Variants in MATN2 observed in about 807,000 individuals in gnomAD.
The protein encoded by MATN2 is matrilin 2, also known as matrilin-2.
MATN2 carries 69 observed loss-of-function variants against 103.2 expected under a neutral mutation model. The ratio of observed to expected loss-of-function variants is 0.67; its 90% CI spans 0.55 to 0.82. MATN2 has a LOEUF of 0.82. Among genes scored for constraint, MATN2 ranks in the 40% least tolerant of loss-of-function variants. MATN2 has a pLI of 0.00. For missense variants in MATN2, 1,023 were observed against 1,211.5 expected (o/e 0.84, Z 2.31); for synonymous variants, 429 against 450.2 (o/e 0.95, Z 0.60).
chr8:98,033,130 T>C lies in MATN2; in HGVS notation c.2670T>C (p.Asn890=). ...ACAGATATCTGTTTGAAGAAGACAATCTTTTACGGTCTACACAAAAGCTTT... is the reference window on the plus strand; with the variant it reads ...ACAGATATCTGTTTGAAGAAGACAACCTTTTACGGTCTACACAAAAGCTTT... The part of the protein sequence containing the change: ...VQHRYLFEED[N]LLRSTQKLSH... Residue 890 remains asparagine (N), a synonymous_variant, in exon 17 of 19, where the codon AAT becomes AAC. Coordinates refer to ENST00000254898, the MANE Select transcript of MATN2 (RefSeq NM_002380.5). 1 of 1,610,564 alleles carries C rather than the reference T, an allele frequency of 6.2e-7. No homozygotes were observed. Among genetic ancestry groups the C allele is most frequent in the Non-Finnish European group, 8.5e-7 (1 of 1,178,320 alleles).
intron 7 of MATN2, among the ~76,000 whole-genome samples, chr8:97,997,548 A>C (rs60580631): frequency 0.093 from 14,129 of 152,226 alleles, 934 homozygotes; most frequent in Admixed American, 0.19. Context: ...TTGTTTTCTG[A>C]CAGTCCTGTC....
At chr8:97,964,390 T>G (rs926863269) in intron 5 of MATN2, among the ~76,000 whole-genome samples, 2 of 149,656 alleles carry the variant, frequency 1.3e-5, no homozygotes, top group African/African-American at 2.5e-5. Context: ...AAGAACAGAG[T>G]GATTATGCCT....
At chr8:97,955,835 A>C (rs1811127250) in intron 4 of MATN2, among the ~76,000 whole-genome samples, 1 of 152,210 alleles carries the variant, frequency 6.6e-6, no homozygotes, top group African/African-American at 2.4e-5. Flanking sequence ...GCAAGGACAA[A>C]GTGCCAGGCA....
At chr8:98,023,082 C>T (rs188015679) in intron 13 of MATN2, among the ~76,000 whole-genome samples, 4 of 151,644 alleles carry the variant, frequency 2.6e-5, no homozygotes, top group Admixed American at 6.6e-5. Context: ...AGGAAGACTC[C>T]GTCTCAAAAT....
intron 2 of MATN2, 73 bp downstream of exon 2, chr8:97,888,315 G>A: frequency 7.3e-7 from 1 of 1,374,868 alleles, no homozygotes; most frequent in South Asian, 1.8e-5. Context: ...ACAGGGATTG[G>A]TGACTGTTTG....
Position 97,973,681 on chromosome 8 carries a change from C to T in MATN2, c.959-5205C>T, listed in dbSNP as rs7821124. On this transcript the variant is annotated intron_variant, in intron 5 of 18. Transcript: ENST00000254898. ...ATCTCCCAAACTCAAGCAATCCTCC[C>T]ACCTCAGCCTCCTGAGTAGCTTGGA... Among the ~76,000 whole-genome samples the T allele has an allele frequency of 8.7e-3, 1,314 of 151,460 alleles. 24 individuals carry two copies. The highest frequency in any genetic ancestry group is 0.029 in the African/African-American group (1,206 of 41,260).
Position 97,956,193 on chromosome 8 carries a change from C to CT in MATN2, c.836-5203dup, listed in dbSNP as rs111356871. Among the ~76,000 whole-genome samples, 116 of 146,916 alleles carry CT rather than the reference C, an allele frequency of 7.9e-4. 1 individual carries two copies. Among genetic ancestry groups the CT allele is most frequent in the South Asian group, 1.1e-3 (5 of 4,626 alleles). ...AGTTTTACAGTCATATTTATACCCA[C>CT]TTTTTTTTTTTTGAGATGGAGTTTC... On this transcript the variant is annotated intron_variant, in intron 4 of 18. Coordinates refer to ENST00000254898, the MANE Select transcript of MATN2 (RefSeq NM_002380.5).
intron 2 of MATN2, among the ~76,000 whole-genome samples, chr8:97,915,925 A>G (rs1022575361): frequency 1.8e-4 from 27 of 152,080 alleles, no homozygotes; most frequent in Admixed American, 6.6e-4. Context: ...TCATTTCTCA[A>G]TTTGAGAAAG....
chr8:98,016,486 T>G (rs539087631), intron 10 of MATN2, 54 bp from the exon 11 acceptor site: 2 of 1,524,776 alleles, frequency 1.3e-6, no homozygotes, highest in African/African-American at 2.7e-5. Context: ...AATAAGCCAC[T>G]AATATATGAG....
At chr8:97,923,326 G>A (rs1809876992) in intron 2 of MATN2, among the ~76,000 whole-genome samples, 1 of 151,872 alleles carries the variant, frequency 6.6e-6, no homozygotes, top group South Asian at 2.1e-4. Flanking sequence ...TAGTGTTTTG[G>A]GTCACCCTTC....
At chr8:97,935,179 C>T (rs1810335171) in intron 3 of MATN2, among the ~76,000 whole-genome samples, 1 of 152,160 alleles carries the variant, frequency 6.6e-6, no homozygotes, top group South Asian at 2.1e-4. Flanking sequence ...TCACATCAGC[C>T]TCCCAAGTAG....
intron 5 of MATN2, among the ~76,000 whole-genome samples, chr8:97,969,097 CAA>C (rs147273455): frequency 0.016 from 2,474 of 152,290 alleles, 59 homozygotes; most frequent in African/African-American, 0.056. Flanking sequence ...ATGACAAGGA[CAA>C]GAGTGAGAGT....
chr8:97,950,314 T>C (rs923011595), intron 4 of MATN2, among the ~76,000 whole-genome samples: 10 of 152,110 alleles, frequency 6.6e-5, no homozygotes, highest in African/African-American at 2.4e-4. Context: ...ATGGAGCAAT[T>C]TGATTCTCAA....
chr8:97,923,461 A>G (rs1308486205), intron 2 of MATN2, among the ~76,000 whole-genome samples: 2 of 152,136 alleles, frequency 1.3e-5, no homozygotes, highest in African/African-American at 4.8e-5. Context: ...CACATGAATC[A>G]TGAATCATCC....
At chr8:97,892,762 A>T (rs1322240594) in intron 2 of MATN2, among the ~76,000 whole-genome samples, 5 of 152,212 alleles carry the variant, frequency 3.3e-5, no homozygotes, top group Non-Finnish European at 7.3e-5. Flanking sequence ...AAAGGCAAAC[A>T]TTCATGTTAT....
chr8:97,962,024 C>T (rs1022953110), intron 5 of MATN2, among the ~76,000 whole-genome samples: 4 of 152,172 alleles, frequency 2.6e-5, no homozygotes, highest in African/African-American at 7.2e-5. Flanking sequence ...CGTAATTAGA[C>T]GGCGTGGTCA....
intron 2 of MATN2, among the ~76,000 whole-genome samples, chr8:97,910,466 A>G (rs1809373719): frequency 6.6e-6 from 1 of 152,204 alleles, no homozygotes; most frequent in South Asian, 2.1e-4. Flanking sequence ...GGGAGGGATG[A>G]TGGTAGGGTT....
Position 97,982,130 on chromosome 8 carries a change from G to T in MATN2, c.1081+3122G>T, listed in dbSNP as rs1322125928. The stretch of plus-strand genomic sequence containing the variant: ...GAAGAGCCCTCTTCCCACCATGCTT[G>T]GGGTGGGCAGGAGCCAGACCCAGGA... On this transcript the variant is annotated intron_variant, in intron 6 of 18. Transcript: ENST00000254898. This position sits in a 1 kb window ranked among gnomAD's most constrained non-coding sequence, Gnocchi z 4.3. 6.6e-6 allele frequency among the ~76,000 whole-genome samples: 1 copy of T among 152,198 alleles called. No individual in the cohort carries two copies. The highest frequency in any genetic ancestry group is 1.5e-5 in the Non-Finnish European group (1 of 68,040).
intron 2 of MATN2, among the ~76,000 whole-genome samples, chr8:97,925,659 T>C (rs892491876): frequency 2.0e-5 from 3 of 152,212 alleles, no homozygotes; most frequent in African/African-American, 7.2e-5. Flanking sequence ...AAGGTATTAT[T>C]ATCCCTATTT....
Sources: allele counts gnomAD v4.1 joint callset (sites outside exome capture counted in the v4.1 genomes callset), GRCh38; gene constraint gnomAD v4.1.1; non-coding constraint Gnocchi (gnomAD v3.1); transcripts MANE v1.5; gene names NCBI Gene and HGNC (gene_info 2026-07-23, HGNC 2026-07-21).